Variants in HS6ST3 observed in about 807,000 individuals in gnomAD.
The protein encoded by HS6ST3 is heparan sulfate 6-O-sulfotransferase 3.
A neutral mutation model predicts 36.7 loss-of-function variants in HS6ST3; 12 were observed. The observed-to-expected ratio is 0.33, with a 90% CI of 0.21 to 0.53. The LOEUF (loss-of-function observed/expected upper bound fraction) is 0.53. HS6ST3 is among the 20% of genes least tolerant of loss of function. The pLI, the probability that HS6ST3 is intolerant of heterozygous loss-of-function variation, is 0.95. For missense variants in HS6ST3, 584 were observed against 640.9 expected (o/e 0.91, Z 0.96); for synonymous variants, 240 against 257.5 (o/e 0.93, Z 0.65).
chr13:96,668,703 T>G (rs1594831888), intron 1 of HS6ST3, among the ~76,000 whole-genome samples: 2 of 88,720 alleles, frequency 2.3e-5, no homozygotes, highest in Non-Finnish European at 4.6e-5. Flanking sequence ...TTTTTTTTTT[T>G]TTTTTTTTTT....
chr13:96,480,630 G>A lies in HS6ST3; in HGVS notation c.708-351860G>A, dbSNP rs115245360. ...GCTTTGTTGTGAAAACAGCACCAATGATATCAGAGTGTCTTTTTGTACATC... is the reference window on the plus strand; with the variant it reads ...GCTTTGTTGTGAAAACAGCACCAATAATATCAGAGTGTCTTTTTGTACATC... On this transcript the variant is annotated intron_variant, in intron 1 of 1. Transcript: ENST00000376705. Among the ~76,000 whole-genome samples the A allele has an allele frequency of 6.2e-3, 938 of 152,304 alleles. 14 individuals carry two copies. Among genetic ancestry groups the A allele is most frequent in the African/African-American group, 0.021 (874 of 41,556 alleles).
chr13:96,429,304 A>C (rs932719404), intron 1 of HS6ST3, among the ~76,000 whole-genome samples: 1 of 152,204 alleles, frequency 6.6e-6, no homozygotes, highest in African/African-American at 2.4e-5. Context: ...TTACCTATAG[A>C]AGCAGCGTGA....
chr13:96,708,376 C>A lies in HS6ST3; in HGVS notation c.708-124114C>A, dbSNP rs141437455. Reference sequence around the variant, plus strand: ...GAATTCTTAATATTAACTTTCTGTTCTTCCAAAGCATGTCCAACTTGAGAA... The same window carrying A: ...GAATTCTTAATATTAACTTTCTGTTATTCCAAAGCATGTCCAACTTGAGAA... On this transcript the variant is annotated intron_variant, in intron 1 of 1. Coordinates refer to ENST00000376705, the MANE Select transcript of HS6ST3 (RefSeq NM_153456.4). Among the ~76,000 whole-genome samples, 569 of 152,290 alleles carry A rather than the reference C, an allele frequency of 3.7e-3. 3 individuals carry two copies. Among genetic ancestry groups the A allele is most frequent in the African/African-American group, 0.013 (548 of 41,554 alleles).
At chr13:96,145,933 T>G (rs978538305) in intron 1 of HS6ST3, among the ~76,000 whole-genome samples, 12 of 152,198 alleles carry the variant, frequency 7.9e-5, no homozygotes, top group Non-Finnish European at 1.8e-4. Flanking sequence ...TTTCTTGTTT[T>G]TGTCAGGTTT....
rs187277578 is a variant in HS6ST3 at position 96,443,268 on chromosome 13, C to T, written c.707+351699C>T. Among the ~76,000 whole-genome samples the T allele has an allele frequency of 3.5e-3, 538 of 151,942 alleles. 1 individual carries two copies. The highest frequency in any genetic ancestry group is 5.6e-3 in the Admixed American group (86 of 15,278). ...AGACTAGGCCGGGTGCGGTGGCTCA[C>T]GCCTGTAATCCCAGCACTTTGGGAG... On this transcript the variant is annotated intron_variant, in intron 1 of 1. Transcript: ENST00000376705.
chr13:96,700,203 G>T (rs565062146), intron 1 of HS6ST3, among the ~76,000 whole-genome samples: 1 of 152,288 alleles, frequency 6.6e-6, no homozygotes, highest in Non-Finnish European at 1.5e-5. Flanking sequence ...TAGCTGGGGA[G>T]GCCCCACAAT....
At chr13:96,256,853 C>T (rs939125711) in intron 1 of HS6ST3, among the ~76,000 whole-genome samples, 10 of 152,072 alleles carry the variant, frequency 6.6e-5, no homozygotes, top group South Asian at 4.2e-4. Flanking sequence ...AAACCAGTAT[C>T]ATTTTGAGAG....
In HS6ST3 at chr13:96,281,561, G is replaced by C. The variant is rs189992417; in HGVS notation, c.707+189992G>C. Among the ~76,000 whole-genome samples, 2 of 152,198 alleles carry C rather than the reference G, an allele frequency of 1.3e-5. 1 individual carries two copies. Among genetic ancestry groups the C allele is most frequent in the Admixed American group, 1.3e-4 (2 of 15,272 alleles). On this transcript the variant is annotated intron_variant, in intron 1 of 1. Coordinates refer to ENST00000376705, the MANE Select transcript of HS6ST3 (RefSeq NM_153456.4). The stretch of plus-strand genomic sequence containing the variant: ...CTATTGTGGGATTTTTGTCCTAATG[G>C]CTTTAAAAATAGCCATACTGTCACC...
rs376449100 is a variant in HS6ST3 at position 96,766,483 on chromosome 13, A to G, written c.708-66007A>G. On this transcript the variant is annotated intron_variant, in intron 1 of 1. Coordinates refer to ENST00000376705, the MANE Select transcript of HS6ST3 (RefSeq NM_153456.4). Reference sequence around the variant, plus strand: ...GATGACTTGCCTGACAAAATCATTAAGTAGACGTTTTGTGAGTCTAGGTGG... The same window carrying G: ...GATGACTTGCCTGACAAAATCATTAGGTAGACGTTTTGTGAGTCTAGGTGG... Among the ~76,000 whole-genome samples the G allele has an allele frequency of 2.6e-5, 4 of 152,226 alleles. No individual in the cohort carries two copies. The East Asian group carries it at 5.8e-4, about 22-fold the overall frequency.
Position 96,317,646 on chromosome 13 carries a change from T to C in HS6ST3, c.707+226077T>C, listed in dbSNP as rs1219343525. On this transcript the variant is annotated intron_variant, in intron 1 of 1. Coordinates refer to ENST00000376705, the MANE Select transcript of HS6ST3 (RefSeq NM_153456.4). Reference sequence around the variant, plus strand: ...TTTGAGAAATCTCCAAACTGCTTTCTACGGTGGCCGAACTAATTTACATTC... The same window carrying C: ...TTTGAGAAATCTCCAAACTGCTTTCCACGGTGGCCGAACTAATTTACATTC... 7.3e-5 allele frequency among the ~76,000 whole-genome samples: 11 copies of C among 151,592 alleles called. No homozygotes were observed. In the East Asian group the frequency reaches 2.1e-3, roughly 30 times the overall value.
chr13:96,719,829 C>T (rs1332960653), intron 1 of HS6ST3, among the ~76,000 whole-genome samples: 1 of 152,114 alleles, frequency 6.6e-6, no homozygotes, highest in African/African-American at 2.4e-5. Context: ...AATAAAAATA[C>T]CCACACACAC....
chr13:96,837,725 A>G lies in HS6ST3; in HGVS notation c.*4527A>G, dbSNP rs994988305. ...GACCAAAACTCAGAGGAGGCATTCA[A>G]ACACTTCTAGCAGGTTGTCTACTCC... On this transcript the variant is annotated 3_prime_UTR_variant, in exon 2 of 2. Coordinates refer to ENST00000376705, the MANE Select transcript of HS6ST3 (RefSeq NM_153456.4). The G allele has an allele frequency of 1.3e-5, 2 of 152,084 alleles. No homozygotes were observed. The highest frequency in any genetic ancestry group is 1.3e-4 in the Admixed American group (2 of 15,258). 9.4% of individuals were successfully genotyped at this position (152,084 alleles called of 1,614,324 possible).
chr13:96,654,189 C>CTG (rs1019719067), intron 1 of HS6ST3, among the ~76,000 whole-genome samples: 16 of 152,112 alleles, frequency 1.1e-4, no homozygotes, highest in Non-Finnish European at 4.4e-5. Context: ...GTTTCTTTTG[C>CTG]TGTGTAGAAG....
intron 1 of HS6ST3, among the ~76,000 whole-genome samples, chr13:96,252,909 A>G (rs1435278126): frequency 1.3e-5 from 2 of 151,994 alleles, no homozygotes; most frequent in African/African-American, 4.8e-5. Context: ...TGCTGGCACT[A>G]TGTTTCCTCT....
intron 1 of HS6ST3, among the ~76,000 whole-genome samples, chr13:96,264,549 G>C (rs777764622): frequency 6.6e-6 from 1 of 152,122 alleles, no homozygotes; most frequent in Non-Finnish European, 1.5e-5. Flanking sequence ...GAACAACCTG[G>C]TCTCTCTTTA....
intron 1 of HS6ST3, among the ~76,000 whole-genome samples, chr13:96,099,388 T>C (rs1024423333): frequency 1.3e-5 from 2 of 152,226 alleles, no homozygotes; most frequent in African/African-American, 4.8e-5. Context: ...AAAGTCAATG[T>C]TAATTCTTAG....
intron 1 of HS6ST3, among the ~76,000 whole-genome samples, chr13:96,173,377 A>G (rs1359857): frequency 0.91 from 138,296 of 152,142 alleles, 62,997 homozygotes; most frequent in Non-Finnish European, 0.94. Context: ...GAACTAATTC[A>G]AGGATAAAAT....
intron 1 of HS6ST3, among the ~76,000 whole-genome samples, chr13:96,289,170 G>A (rs935254447): frequency 6.6e-6 from 1 of 151,976 alleles, no homozygotes; most frequent in Non-Finnish European, 1.5e-5. Context: ...ACAAATAAGA[G>A]AACTAATACT....
Position 96,647,374 on chromosome 13 carries a change from A to C in HS6ST3, c.708-185116A>C, listed in dbSNP as rs1039828757. Among the ~76,000 whole-genome samples the C allele has an allele frequency of 5.3e-5, 8 of 152,170 alleles. No homozygotes were observed. In the South Asian group the frequency reaches 1.7e-3, roughly 32 times the overall value. On this transcript the variant is annotated intron_variant, in intron 1 of 1. Transcript: ENST00000376705. ...GCATCTAAATAAATGAGAATTAGTCATGCTGTTTTATTCTATTCTTCAACA... is the reference window on the plus strand; with the variant it reads ...GCATCTAAATAAATGAGAATTAGTCCTGCTGTTTTATTCTATTCTTCAACA...
Sources: allele counts gnomAD v4.1 joint callset (sites outside exome capture counted in the v4.1 genomes callset), GRCh38; gene constraint gnomAD v4.1.1; transcripts MANE v1.5; gene names NCBI Gene and HGNC (gene_info 2026-07-23, HGNC 2026-07-21).